CNTNAP5: variants seen among roughly 807,000 people sequenced by gnomAD.
CNTNAP5 encodes contactin associated protein family member 5, also known as contactin-associated protein-like 5.
CNTNAP5 carries 72 observed loss-of-function variants against 150.2 expected under a neutral mutation model. The observed-to-expected ratio is 0.48, with a 90% CI of 0.40 to 0.58. The LOEUF (loss-of-function observed/expected upper bound fraction) is 0.58. CNTNAP5 is among the 20% of genes least tolerant of loss of function. CNTNAP5 has a pLI of 0.00. For missense variants in CNTNAP5, 1,636 were observed against 1,626.2 expected (o/e 1.01, Z -0.10); for synonymous variants, 672 against 619.8 (o/e 1.08, Z -1.25).
In CNTNAP5 at chr2:124,914,239, T is replaced by C. The variant is rs1558824519; in HGVS notation, c.3875T>C (p.Ile1292Thr). 2 of 1,612,560 alleles carry C rather than the reference T, an allele frequency of 1.2e-6. No individual in the cohort carries two copies. Among genetic ancestry groups the C allele is most frequent in the South Asian group, 2.2e-5 (2 of 91,032 alleles). Residue 1292 changes from isoleucine to threonine, a missense_variant, in exon 24 of 24, where the codon ATT becomes ACT. Coordinates refer to ENST00000682447, the MANE Select transcript of CNTNAP5 (RefSeq NM_001367498.1). ...ENLDSSFRNE[I>T]DLQNTVSECK... ...TTGGACAGTTCCTTCAGAAATGAAA[T>C]TGACTTGCAAAACACAGTGAGCGAG...
chr2:124,527,166 A>T, intron 9 of CNTNAP5, 119 bp from the exon 10 acceptor site: 1 of 742,324 alleles, frequency 1.3e-6, no homozygotes, highest in Non-Finnish European at 2.2e-6. Flanking sequence ...AAGGGTGTGC[A>T]CTGCTGTGAA....
chr2:124,581,775 A>T (rs1696418988), intron 11 of CNTNAP5, among the ~76,000 whole-genome samples: 1 of 152,138 alleles, frequency 6.6e-6, no homozygotes, highest in African/African-American at 2.4e-5. Context: ...GCCCGTTGAG[A>T]TCCCAGCCTG....
chr2:124,345,663 G>T (rs781719665), intron 3 of CNTNAP5, among the ~76,000 whole-genome samples: 2 of 151,968 alleles, frequency 1.3e-5, no homozygotes, highest in Non-Finnish European at 2.9e-5. Context: ...TTTAATCTTG[G>T]CTGCCAAATT....
At chr2:124,296,154 C>CT (rs1363793592) in intron 3 of CNTNAP5, among the ~76,000 whole-genome samples, 3 of 151,970 alleles carry the variant, frequency 2.0e-5, no homozygotes, top group African/African-American at 4.8e-5. Context: ...TGATAGTGCA[C>CT]TTTTTTTTCA....
rs1558746920 is a variant in CNTNAP5, at chr2:124,713,314, CTTTCCTTTCTTTCTT to C, written c.2078-33913_2078-33899del. 1.2e-3 allele frequency among the ~76,000 whole-genome samples: 96 copies of C among 79,954 alleles called. 2 individuals are homozygous for C. Among genetic ancestry groups the C allele is most frequent in the East Asian group, 5.3e-3 (12 of 2,284 alleles). The allele number at this position is 79,954 out of a possible 152,430, so 52.5% of individuals were successfully genotyped here. On this transcript the variant is annotated intron_variant, in intron 13 of 23. Transcript: ENST00000682447. ...CTTTCTTTCTTTCTTCTTTCTCTTT[CTTTCCTTTCTTTCTT>C]TCTTTCTTTCTTTCTTTCTTTCTTT...
At chr2:124,307,704 A>G (rs1052939584) in intron 3 of CNTNAP5, among the ~76,000 whole-genome samples, 1 of 152,212 alleles carries the variant, frequency 6.6e-6, no homozygotes, top group Non-Finnish European at 1.5e-5. Flanking sequence ...AGGAAGGACA[A>G]TGAATGCTCA....
At chr2:124,305,173 G>A (rs565708935) in intron 3 of CNTNAP5, among the ~76,000 whole-genome samples, 8 of 149,520 alleles carry the variant, frequency 5.4e-5, no homozygotes, top group African/African-American at 1.7e-4. Flanking sequence ...CAGCTACTCA[G>A]GAGGCTGAGG....
At chr2:124,791,585 A>C (rs537302286) in intron 18 of CNTNAP5, among the ~76,000 whole-genome samples, 2 of 152,032 alleles carry the variant, frequency 1.3e-5, no homozygotes, top group Admixed American at 1.3e-4. Flanking sequence ...AGCATCTCTA[A>C]CCAAGTCTTT....
At chr2:124,085,705 A>G (rs1682672633) in intron 1 of CNTNAP5, among the ~76,000 whole-genome samples, 1 of 152,110 alleles carries the variant, frequency 6.6e-6, no homozygotes, top group African/African-American at 2.4e-5. Flanking sequence ...TTGTATCTTC[A>G]CTGTCAATCA....
intron 1 of CNTNAP5, among the ~76,000 whole-genome samples, chr2:124,121,806 GA>G (rs1389604298): frequency 1.3e-5 from 2 of 152,152 alleles, no homozygotes; most frequent in East Asian, 3.9e-4. Flanking sequence ...TCCCTTATAT[GA>G]ACATCAGCTG....
intron 3 of CNTNAP5, among the ~76,000 whole-genome samples, chr2:124,362,459 A>T (rs1349448162): frequency 6.6e-6 from 1 of 152,216 alleles, no homozygotes; most frequent in Non-Finnish European, 1.5e-5. Context: ...CATACATTAG[A>T]CAAATGGTTC....
At chr2:124,673,235 A>C (rs1678859525) in intron 13 of CNTNAP5, among the ~76,000 whole-genome samples, 1 of 104,774 alleles carries the variant, frequency 9.5e-6, no homozygotes, top group African/African-American at 4.1e-5. Context: ...AAAACACTAC[A>C]TTCTCTTAAA....
chr2:124,518,111 G>A (rs1272834140), intron 8 of CNTNAP5, among the ~76,000 whole-genome samples: 1 of 152,124 alleles, frequency 6.6e-6, no homozygotes, highest in Non-Finnish European at 1.5e-5. Context: ...CCCAGGGCCA[G>A]TGTTGAGGAA....
At chr2:124,293,121 G>T (rs1688341507) in intron 3 of CNTNAP5, among the ~76,000 whole-genome samples, 1 of 151,880 alleles carries the variant, frequency 6.6e-6, no homozygotes, top group Non-Finnish European at 1.5e-5. Flanking sequence ...GTCAGTTTGT[G>T]ATTCAGCAAA....
chr2:124,780,766 A>G (rs1681432886), intron 17 of CNTNAP5, among the ~76,000 whole-genome samples: 1 of 152,222 alleles, frequency 6.6e-6, no homozygotes, highest in African/African-American at 2.4e-5. Context: ...TAAGCATACC[A>G]GAAATAAACT....
chr2:124,709,291 C>G (rs968093981), intron 13 of CNTNAP5, among the ~76,000 whole-genome samples: 10 of 151,112 alleles, frequency 6.6e-5, no homozygotes, highest in Non-Finnish European at 1.5e-5. Flanking sequence ...ATAAAAATGT[C>G]TATGAGGGCC....
At chr2:124,857,673 A>G (rs1356473191) in intron 19 of CNTNAP5, among the ~76,000 whole-genome samples, 1 of 146,748 alleles carries the variant, frequency 6.8e-6, no homozygotes, top group East Asian at 1.9e-4. Context: ...TAAAAAAAAA[A>G]GAAAAAAAAA....
At chr2:124,147,324 T>A (rs1684279108) in intron 1 of CNTNAP5, among the ~76,000 whole-genome samples, 1 of 152,342 alleles carries the variant, frequency 6.6e-6, no homozygotes, top group East Asian at 1.9e-4. Context: ...CACTATATAT[T>A]AGCTAACACA....
chr2:124,351,739 A>G (rs190351521), intron 3 of CNTNAP5, among the ~76,000 whole-genome samples: 5 of 152,324 alleles, frequency 3.3e-5, no homozygotes, highest in African/African-American at 1.2e-4. Context: ...TTGTATAACA[A>G]TTGGTAGTGT....
Sources: allele counts gnomAD v4.1 joint callset (sites outside exome capture counted in the v4.1 genomes callset), GRCh38; gene constraint gnomAD v4.1.1; transcripts MANE v1.5; gene names NCBI Gene and HGNC (gene_info 2026-07-23, HGNC 2026-07-21).